The following RBMS1 variants were observed in gnomAD, a reference collection of about 807,000 sequenced individuals.
RBMS1 encodes RNA-binding motif, single-stranded-interacting protein 1.
In RBMS1, 17 loss-of-function variants were observed where a neutral mutation model predicts 62.3. The observed-to-expected ratio is 0.27, with a 90% confidence interval of 0.19 to 0.41. RBMS1 has a LOEUF of 0.41. RBMS1 is among the 10% of genes least tolerant of loss of function. RBMS1 has a pLI of 1.00. For synonymous variants in RBMS1, 172 were observed against 170.0 expected, an observed-to-expected ratio of 1.01 and a Z score of -0.09; for missense variants, 334 against 504.5, an observed-to-expected ratio of 0.66 and a Z score of 3.24.
rs149411503 is a variant in RBMS1, at chr2:160,280,034, A to G, written c.951+1280T>C. ...TTTTAACATGCATCATCAAAAAGCA[A>G]GTGGTAACACGGAAATGACTCAGAA... On this transcript the variant is annotated intron_variant, in intron 10 of 13. Transcript: ENST00000348849. Among the ~76,000 whole-genome samples, 354 of 152,378 alleles carry G rather than the reference A, an allele frequency of 2.3e-3. 2 individuals are homozygous for G. The highest frequency in any genetic ancestry group is 8.1e-3 in the African/African-American group (335 of 41,590).
chr2:160,316,733 C>G (rs1474995450), intron 3 of RBMS1, among the ~76,000 whole-genome samples: 1 of 152,106 alleles, frequency 6.6e-6, no homozygotes, highest in Non-Finnish European at 1.5e-5. Flanking sequence ...CTTTTTAACA[C>G]ACTGAGCCGA....
intron 1 of RBMS1, among the ~76,000 whole-genome samples, chr2:160,455,380 A>T (rs1574081039): frequency 6.6e-6 from 1 of 152,212 alleles, no homozygotes; most frequent in Non-Finnish European, 1.5e-5. Flanking sequence ...CATTTTTTAG[A>T]ATGTGCTTGT....
At chr2:160,369,546 A>T (rs1461369463) in intron 1 of RBMS1, among the ~76,000 whole-genome samples, 4 of 152,208 alleles carry the variant, frequency 2.6e-5, no homozygotes, top group Non-Finnish European at 5.9e-5. Context: ...ATTTTCTCTT[A>T]AACCTCCTTT....
At chr2:160,363,371 T>C (rs999658323) in intron 2 of RBMS1, among the ~76,000 whole-genome samples, 3 of 152,088 alleles carry the variant, frequency 2.0e-5, no homozygotes, top group Non-Finnish European at 4.4e-5. Context: ...TGGCAATACA[T>C]AAAAATTTAG....
chr2:160,430,654 T>A (rs571970729), intron 1 of RBMS1, among the ~76,000 whole-genome samples: 3 of 152,320 alleles, frequency 2.0e-5, no homozygotes, highest in African/African-American at 7.2e-5. Context: ...TTTCTATTAG[T>A]CCTACCAGTT....
chr2:160,459,068 A>T lies in RBMS1; in HGVS notation c.75+34221T>A, dbSNP rs148240053. Among the ~76,000 whole-genome samples, 6 of 152,352 alleles carry T rather than the reference A, an allele frequency of 3.9e-5. No individual in the cohort carries two copies. The East Asian group carries it at 7.7e-4, about 20-fold the overall frequency. On this transcript the variant is annotated intron_variant, in intron 1 of 13. Coordinates refer to ENST00000348849, the MANE Select transcript of RBMS1 (RefSeq NM_016836.4). ...TTGGAGAAAAGACCTAATACCCATC[A>T]TACAGTCTAATCATTTTTTGTGATG...
At chr2:160,284,251 C>T (rs966694999) in intron 9 of RBMS1, 1 of 153,926 alleles carries the variant, frequency 6.5e-6, no homozygotes, top group African/African-American at 2.4e-5. Context: ...AAGGTAAAGC[C>T]TCCTCACTTA....
chr2:160,458,448 A>C (rs1181484938), intron 1 of RBMS1, among the ~76,000 whole-genome samples: 1 of 152,238 alleles, frequency 6.6e-6, no homozygotes, highest in Non-Finnish European at 1.5e-5. Flanking sequence ...TCAGATCTGT[A>C]GTAAAAATTG....
rs551750335 is a variant in RBMS1, at chr2:160,458,048, C to G, written c.75+35241G>C. On this transcript the variant is annotated intron_variant, in intron 1 of 13. Coordinates refer to ENST00000348849, the MANE Select transcript of RBMS1 (RefSeq NM_016836.4). Reference sequence around the variant, plus strand: ...GTGTGATCATTGCTCACTGCAGCCTCAACCTCCTGGGCAAAAGTGATCCTC... The same window carrying G: ...GTGTGATCATTGCTCACTGCAGCCTGAACCTCCTGGGCAAAAGTGATCCTC... 3.3e-5 allele frequency among the ~76,000 whole-genome samples: 5 copies of G among 152,246 alleles called. No individual in the cohort carries two copies. In the South Asian group the frequency reaches 1.0e-3, roughly 32 times the overall value.
chr2:160,376,014 C>T (rs770830820), intron 1 of RBMS1, among the ~76,000 whole-genome samples: 12 of 152,094 alleles, frequency 7.9e-5, no homozygotes, highest in Non-Finnish European at 1.6e-4. Flanking sequence ...TTTAGGATTC[C>T]AGGGCTGACA....
At chr2:160,413,626 G>A (rs945436266) in intron 1 of RBMS1, among the ~76,000 whole-genome samples, 2 of 152,172 alleles carry the variant, frequency 1.3e-5, no homozygotes, top group African/African-American at 4.8e-5. Context: ...ATTCTGATGA[G>A]TCCTACCAGA....
intron 2 of RBMS1, among the ~76,000 whole-genome samples, chr2:160,326,985 C>G (rs975396146): frequency 9.9e-5 from 15 of 152,224 alleles, no homozygotes; most frequent in African/African-American, 3.4e-4. Context: ...GCTCCAGCCA[C>G]AGATGCAAAG....
chr2:160,383,260 A>T (rs540630984), intron 1 of RBMS1, among the ~76,000 whole-genome samples: 29 of 152,156 alleles, frequency 1.9e-4, no homozygotes, highest in Admixed American at 1.1e-3. Context: ...TTGCCTTGTG[A>T]CGGCAGAATA....
intron 1 of RBMS1, chr2:160,408,023 G>A: frequency 4.3e-6 from 3 of 693,912 alleles, no homozygotes; most frequent in Non-Finnish European, 5.3e-6. Context: ...TCGCCCGCCC[G>A]GCCCCCGCGC....
intron 1 of RBMS1, among the ~76,000 whole-genome samples, chr2:160,382,349 C>T (rs1186080270): frequency 1.3e-5 from 2 of 152,162 alleles, no homozygotes; most frequent in Non-Finnish European, 1.5e-5. Flanking sequence ...CAGACTAAAG[C>T]ATCTCCAGAA....
At chr2:160,340,107 T>C (rs1443536115) in intron 2 of RBMS1, among the ~76,000 whole-genome samples, 1 of 152,238 alleles carries the variant, frequency 6.6e-6, no homozygotes, top group Non-Finnish European at 1.5e-5. Context: ...CTTTCTTCTA[T>C]ATACTTTTTA....
intron 1 of RBMS1, among the ~76,000 whole-genome samples, chr2:160,383,456 G>GT (rs1559479814): frequency 6.1e-5 from 9 of 148,232 alleles, no homozygotes; most frequent in Non-Finnish European, 3.0e-5. Context: ...CATGAATTGG[G>GT]GGGGGGGGAA....
chr2:160,342,863 G>A (rs139866434), intron 2 of RBMS1, among the ~76,000 whole-genome samples: 267 of 151,992 alleles, frequency 1.8e-3, no homozygotes, highest in Non-Finnish European at 2.3e-3. Flanking sequence ...ATTTGAACCC[G>A]GAAAGCGGAG....
intron 1 of RBMS1, among the ~76,000 whole-genome samples, chr2:160,417,957 C>T (rs1275054459): frequency 1.3e-5 from 2 of 152,156 alleles, no homozygotes; most frequent in South Asian, 4.1e-4. Flanking sequence ...GAAACTTCAC[C>T]CTAATCTCAC....
Sources: allele counts gnomAD v4.1 joint callset (sites outside exome capture counted in the v4.1 genomes callset), GRCh38; gene constraint gnomAD v4.1.1; transcripts MANE v1.5; gene names NCBI Gene and HGNC (gene_info 2026-07-23, HGNC 2026-07-21).